Variants in UGGT2 observed in about 807,000 individuals in gnomAD.
UGGT2 encodes the protein UDP-glucose glycoprotein glucosyltransferase 2.
Under a neutral mutation model 192.1 loss-of-function variants are expected in UGGT2, and 180 were observed. The ratio of observed to expected loss-of-function variants is 0.94; its 90% CI spans 0.83 to 1.06. The LOEUF (loss-of-function observed/expected upper bound fraction) is 1.06. Ranked by LOEUF, UGGT2 falls within the 50% of genes least tolerant of loss-of-function variation. The pLI, the probability that UGGT2 is intolerant of heterozygous loss-of-function variation, is 0.00. For synonymous variants in UGGT2, 580 were observed against 591.0 expected (o/e 0.98, Z 0.27); for missense variants, 1,849 against 1,795.7 (o/e 1.03, Z -0.54).
chr13:95,929,811 T>C (rs976394598), intron 17 of UGGT2, among the ~76,000 whole-genome samples: 1 of 152,140 alleles, frequency 6.6e-6, no homozygotes, highest in Non-Finnish European at 1.5e-5. Flanking sequence ...AGTAATGGGA[T>C]TGCTGGGTTG....
Position 95,940,710 on chromosome 13 carries a change from C to T in UGGT2, c.1678-619G>A, listed in dbSNP as rs151255484. Among the ~76,000 whole-genome samples, 750 of 151,022 alleles carry T rather than the reference C, an allele frequency of 5.0e-3. 8 individuals are homozygous for T. The highest frequency in any genetic ancestry group is 0.017 in the African/African-American group (707 of 41,448). On this transcript the variant is annotated intron_variant, in intron 15 of 38. Transcript: ENST00000376747. Reference sequence around the variant, plus strand: ...GCTCAAGCAATCCACCTCCTGCGGCCTCCCGAAGGGCTTGGCTTACAGGAA... The same window carrying T: ...GCTCAAGCAATCCACCTCCTGCGGCTTCCCGAAGGGCTTGGCTTACAGGAA...
At chr13:95,827,673 A>C (rs1315262941) in intron 38 of UGGT2, among the ~76,000 whole-genome samples, 1 of 152,168 alleles carries the variant, frequency 6.6e-6, no homozygotes, top group Non-Finnish European at 1.5e-5. Flanking sequence ...ACTATATCTC[A>C]AGCCATCCTT....
At chr13:95,864,139 T>C (rs958925914) in intron 30 of UGGT2, among the ~76,000 whole-genome samples, 5 of 152,136 alleles carry the variant, frequency 3.3e-5, no homozygotes, top group Non-Finnish European at 7.4e-5. Context: ...CTATTGAGTA[T>C]TTTTTGTCAC....
At chr13:95,960,439 A>G (rs570865064) in intron 12 of UGGT2, among the ~76,000 whole-genome samples, 1 of 152,210 alleles carries the variant, frequency 6.6e-6, no homozygotes, top group South Asian at 2.1e-4. Context: ...TCAGCAGTGG[A>G]CTAAATCAAG....
At chr13:95,922,775 A>T (rs2048887143) in intron 20 of UGGT2, among the ~76,000 whole-genome samples, 1 of 151,526 alleles carries the variant, frequency 6.6e-6, no homozygotes, top group Non-Finnish European at 1.5e-5. Context: ...GTGAGCCGAG[A>T]TCACACCATT....
chr13:95,986,219 T>C (rs1462218335), intron 9 of UGGT2, 114 bp downstream of exon 9: 7 of 706,104 alleles, frequency 9.9e-6, no homozygotes, highest in Admixed American at 3.1e-5. Flanking sequence ...TCACAAAAGC[T>C]ATATATACTA....
At chr13:96,014,820 T>C (rs888196803) in intron 4 of UGGT2, among the ~76,000 whole-genome samples, 11 of 152,278 alleles carry the variant, frequency 7.2e-5, no homozygotes, top group African/African-American at 2.2e-4. Context: ...TTAACTGAAA[T>C]CTTGGAACTC....
At chr13:95,857,270 A>G (rs1318313225) in intron 33 of UGGT2, among the ~76,000 whole-genome samples, 2 of 152,130 alleles carry the variant, frequency 1.3e-5, no homozygotes, top group African/African-American at 4.8e-5. Context: ...AATAAAAAGA[A>G]TATTTTTTCT....
intron 37 of UGGT2, among the ~76,000 whole-genome samples, chr13:95,835,774 A>G (rs1285229011): frequency 6.6e-6 from 1 of 152,238 alleles, no homozygotes; most frequent in Non-Finnish European, 1.5e-5. Flanking sequence ...GTAGTGGAAT[A>G]TAAAATCTAA....
intron 36 of UGGT2, among the ~76,000 whole-genome samples, chr13:95,842,123 A>T (rs745403195): frequency 1.3e-5 from 2 of 152,202 alleles, no homozygotes; most frequent in Non-Finnish European, 2.9e-5. Flanking sequence ...TCACATAATT[A>T]ACATAATTGA....
chr13:95,961,737 A>G (rs896698099), intron 12 of UGGT2, among the ~76,000 whole-genome samples: 3 of 152,206 alleles, frequency 2.0e-5, no homozygotes, highest in African/African-American at 4.8e-5. Flanking sequence ...TTGATGAAAT[A>G]GACTTTAGAA....
At chr13:95,961,812 T>C (rs1025762656) in intron 12 of UGGT2, among the ~76,000 whole-genome samples, 2 of 152,212 alleles carry the variant, frequency 1.3e-5, no homozygotes, top group African/African-American at 4.8e-5. Context: ...GATGGAATAT[T>C]CTCCAGGATA....
At chr13:95,879,570 G>C (rs921784087) in intron 27 of UGGT2, among the ~76,000 whole-genome samples, 8 of 152,174 alleles carry the variant, frequency 5.3e-5, no homozygotes, top group Non-Finnish European at 1.2e-4. Flanking sequence ...CGAGTAGCTA[G>C]GATTACAGGC....
chr13:95,872,123 A>C (rs565519906), intron 29 of UGGT2, among the ~76,000 whole-genome samples: 24 of 152,346 alleles, frequency 1.6e-4, no homozygotes, highest in African/African-American at 5.0e-4. Context: ...TAAAGTATCT[A>C]ATATTCTCTA....
chr13:95,830,832 T>C (rs900317540), intron 38 of UGGT2, among the ~76,000 whole-genome samples: 18 of 152,194 alleles, frequency 1.2e-4, no homozygotes, highest in African/African-American at 4.3e-4. Context: ...TGCACACATA[T>C]GTTTATTGCG....
At chr13:95,997,703 G>A (rs1399279303) in intron 6 of UGGT2, among the ~76,000 whole-genome samples, 2 of 152,144 alleles carry the variant, frequency 1.3e-5, no homozygotes, top group Admixed American at 6.6e-5. Context: ...GAAGACAGCG[G>A]TAGGCAAAAG....
intron 22 of UGGT2, among the ~76,000 whole-genome samples, chr13:95,896,314 T>C (rs1337775995): frequency 1.3e-5 from 2 of 152,040 alleles, no homozygotes; most frequent in Non-Finnish European, 2.9e-5. Flanking sequence ...TAACTGGGAT[T>C]TTGGCATCTC....
chr13:95,868,121 T>TA (rs1356089726), intron 29 of UGGT2, among the ~76,000 whole-genome samples: 1 of 152,204 alleles, frequency 6.6e-6, no homozygotes, highest in Non-Finnish European at 1.5e-5. Flanking sequence ...GTCAAATTAG[T>TA]ATAGTTACTT....
At chr13:95,943,949 GTTTC>G (rs1347710736) in intron 15 of UGGT2, among the ~76,000 whole-genome samples, 11 of 151,770 alleles carry the variant, frequency 7.2e-5, no homozygotes, top group Admixed American at 1.3e-4. Flanking sequence ...TAAACATTTT[GTTTC>G]TTTATGAGTT....
Sources: gnomAD v4.1 joint callset for allele counts (sites outside exome capture counted in the v4.1 genomes callset) on GRCh38, gnomAD v4.1.1 for gene constraint, MANE v1.5 for transcripts, NCBI Gene and HGNC (gene_info 2026-07-23, HGNC 2026-07-21) for gene names.